The following EEF2 variants were observed in gnomAD, a reference collection of about 807,000 sequenced individuals.
EEF2 encodes the protein eukaryotic translation elongation factor 2.
Under a neutral mutation model 85.3 loss-of-function variants are expected in EEF2, and 21 were observed. The ratio of observed to expected loss-of-function variants is 0.25; its 90% CI spans 0.17 to 0.35. The LOEUF (loss-of-function observed/expected upper bound fraction) is 0.35, where lower values mean the gene tolerates loss of function less well. Among genes scored for constraint, EEF2 ranks in the 10% least tolerant of loss-of-function variants. The pLI, the probability that EEF2 is intolerant of heterozygous loss-of-function variation, is 1.00. For missense variants in EEF2, 825 were observed against 1,225.3 expected (o/e 0.67, Z 4.88); for synonymous variants, 723 against 508.8 (o/e 1.42, Z -5.67).
At chr19:3,983,319 G>C in intron 2 of EEF2, 28 bp from the exon 3 acceptor site, 2 of 1,605,086 alleles carry the variant, frequency 1.2e-6, no homozygotes, top group Middle Eastern at 1.7e-4. Flanking sequence ...TCGTCAGGGG[G>C]ACAGGAGCCA....
chr19:3,976,280 GTGT>G lies in EEF2; in HGVS notation c.*271_*273del. 1 of 441,896 alleles carries G rather than the reference GTGT, an allele frequency of 2.3e-6. No individual in the cohort carries two copies. The highest frequency in any genetic ancestry group is 4.1e-6 in the Non-Finnish European group (1 of 246,226). The allele number at this position is 441,896 out of a possible 1,614,324, so 27.4% of individuals were successfully genotyped here. A position where few individuals can be genotyped will look rare whatever the true frequency, so the allele number is the denominator to read the frequency against. On this transcript the variant is annotated 3_prime_UTR_variant, in exon 15 of 15. Coordinates refer to ENST00000309311, the MANE Select transcript of EEF2 (RefSeq NM_001961.4). ...GTTTCCCTCTGAAGAAATGGAAAAA[GTGT>G]TGGGTGTCCCATCCCGCCTCCCCCT...
chr19:3,977,351 C>T lies in EEF2; in HGVS notation c.2251-4G>A, dbSNP rs773851698. On this transcript the variant is annotated splice_region_variant and splice_polypyrimidine_tract_variant and intron_variant, in intron 13 of 14. Transcript: ENST00000309311. The surrounding 1 kb of genome is among the most constrained non-coding windows in gnomAD (Gnocchi z 5.4). ...CACCGACCACCTGCTCTGGACACTG[C>T]CAGAAGGGAAAGAAAACCTGTCAGT... 2 of 1,590,644 alleles carry T rather than the reference C, an allele frequency of 1.3e-6. No individual in the cohort carries two copies. The highest frequency in any genetic ancestry group is 1.7e-6 in the Non-Finnish European group (2 of 1,168,926).
In EEF2 at chr19:3,977,616, G is replaced by A. The variant is rs879723404; in HGVS notation, c.2068-6C>T. 2 of 1,507,678 alleles carry A rather than the reference G, an allele frequency of 1.3e-6. No homozygotes were observed. The highest frequency in any genetic ancestry group is 2.1e-5 in the Admixed American group (1 of 47,296). 93.4% of individuals were successfully genotyped at this position (1,507,678 alleles called of 1,614,324 possible). A position where few individuals can be genotyped will look rare whatever the true frequency, so the allele number is the denominator to read the frequency against. ...TTCTCCTCACACAGTGCGCCCTGGG[G>A]GAGGGGGAGAGCCACCGTCAAGGGC... On this transcript the variant is annotated splice_region_variant and splice_polypyrimidine_tract_variant and intron_variant, in intron 12 of 14. Transcript: ENST00000309311. This position sits in a 1 kb window ranked among gnomAD's most constrained non-coding sequence, Gnocchi z 5.4.
At position 3,983,045 on chromosome 19, in the gene EEF2, C is replaced by G. The variant is rs375320840; in HGVS notation, c.401-27G>C. The G allele has an allele frequency of 3.1e-6, 5 of 1,611,672 alleles. No homozygotes were observed. The African/African-American group carries it at 6.7e-5, about 22-fold the overall frequency. On this transcript the variant is annotated intron_variant, in intron 3 of 14. Coordinates refer to ENST00000309311, the MANE Select transcript of EEF2 (RefSeq NM_001961.4). ...TGGGGACACGGGGGACAGGGCGGCG[C>G]TGTCATCCTCAAGCAAGGATGGCCC...
At chr19:3,983,344 G>A (rs1568202667) in intron 2 of EEF2, 53 bp from the exon 3 acceptor site, 2 of 1,570,114 alleles carry the variant, frequency 1.3e-6, no homozygotes, top group East Asian at 4.6e-5. Context: ...CCTGGCCCAG[G>A]GAGTCTGGGA....
chr19:3,980,183 G>T, intron 9 of EEF2, 117 bp from the exon 10 acceptor site: 1 of 1,427,546 alleles, frequency 7.0e-7, no homozygotes. Flanking sequence ...GGGCAGACTG[G>T]TGGCTTCCAC....
intron 2 of EEF2, chr19:3,983,883 G>C (rs2039786824): frequency 1.9e-6 from 1 of 536,566 alleles, no homozygotes; most frequent in Non-Finnish European, 3.4e-6. Context: ...TAGGAGTGGG[G>C]GCAAGTCCCC....
Position 3,979,492 on chromosome 19 carries a change from C to T in EEF2, c.1606-56G>A. ...GTAGGCGGCTCGGAACAGGCGGGAC[C>T]AGGCTCCCAGCTTCCCTTTAGCTAG... On this transcript the variant is annotated intron_variant, in intron 10 of 14. Transcript: ENST00000309311. 2.7e-6 allele frequency: 4 copies of T among 1,469,458 alleles called. No individual in the cohort carries two copies. In the South Asian group the frequency reaches 4.7e-5, roughly 17 times the overall value. The allele number at this position is 1,469,458 out of a possible 1,614,324, so 91.0% of individuals were successfully genotyped here.
Position 3,977,269 on chromosome 19 carries a change from C to G in EEF2, c.2329G>C (p.Ala777Pro), listed in dbSNP as rs777381071. ...RGHVFEESQVAGTPMFVVKAY... is the reference protein window; with the variant it reads ...RGHVFEESQVPGTPMFVVKAY... ...TTGACCACAAACATGGGGGTGCCGG[C>G]CACCTGGGACTCCTCGAACACGTGG... Residue 777 changes from alanine to proline, a missense_variant, in exon 14 of 15, where the codon GCC becomes CCC. By Grantham distance (27) the Ala-to-Pro change is conservative. Coordinates refer to ENST00000309311, the MANE Select transcript of EEF2 (RefSeq NM_001961.4). The surrounding 1 kb of genome is among the most constrained non-coding windows in gnomAD (Gnocchi z 5.4). 6.2e-7 allele frequency: 1 copy of G among 1,612,840 alleles called. No individual in the cohort carries two copies. The highest frequency in any genetic ancestry group is 8.5e-7 in the Non-Finnish European group (1 of 1,179,472).
chr19:3,981,139 G>A (rs1251009228), intron 7 of EEF2, among the ~76,000 whole-genome samples, 160 bp from the exon 8 acceptor site: 3 of 152,252 alleles, frequency 2.0e-5, no homozygotes, highest in Non-Finnish European at 4.4e-5. Context: ...GCACACTCCT[G>A]CCAAGGCCCT....
intron 2 of EEF2, 67 bp from the exon 3 acceptor site, chr19:3,983,358 T>C: frequency 6.5e-7 from 1 of 1,526,854 alleles, no homozygotes; most frequent in Non-Finnish European, 8.9e-7. Context: ...TCTGGGATGC[T>C]GTCAGAAGCC....
intron 1 of EEF2, among the ~76,000 whole-genome samples, chr19:3,984,583 G>A (rs937545358): frequency 5.3e-5 from 8 of 152,170 alleles, no homozygotes; most frequent in South Asian, 2.1e-4. Context: ...AAATAAAAGT[G>A]CTCAGGAATA....
At chr19:3,984,706 G>C (rs2039797716) in intron 1 of EEF2, 2 of 219,934 alleles carry the variant, frequency 9.1e-6, no homozygotes, top group East Asian at 1.1e-4. Context: ...CGTTGTCACC[G>C]GGCCACCCAA....
At chr19:3,978,827 A>AAAAAAC (rs2039708989) in intron 11 of EEF2, among the ~76,000 whole-genome samples, 1 of 136,726 alleles carries the variant, frequency 7.3e-6, no homozygotes, top group Non-Finnish European at 1.5e-5. Context: ...AAAAAAAAAA[A>AAAAAAC]AAAATAGCCC....
At position 3,977,808 on chromosome 19, in the gene EEF2, C is replaced by G; in HGVS notation, c.2067+11G>C. 1 of 1,570,400 alleles carries G rather than the reference C, an allele frequency of 6.4e-7. No homozygotes were observed. The highest frequency in any genetic ancestry group is 1.7e-5 in the Admixed American group (1 of 57,612). ...ACGGGTGTGGTCTGCACATGCTGAG[C>G]CGTGCCTCACCTCCTTGGTGGCCCA... is the stretch of plus-strand genomic sequence containing the variant. On this transcript the variant is annotated intron_variant, in intron 12 of 14. Coordinates refer to ENST00000309311, the MANE Select transcript of EEF2 (RefSeq NM_001961.4). The surrounding 1 kb of genome is among the most constrained non-coding windows in gnomAD (Gnocchi z 5.4).
At position 3,976,109 on chromosome 19, in the gene EEF2, T is replaced by G. The variant is rs369334669; in HGVS notation, c.*445A>C. 33 of 192,924 alleles carry G rather than the reference T, an allele frequency of 1.7e-4. No homozygotes were observed. The highest frequency in any genetic ancestry group is 7.4e-4 in the African/African-American group (31 of 41,920). 12.0% of individuals were successfully genotyped at this position (192,924 alleles called of 1,614,324 possible). A position where few individuals can be genotyped will look rare whatever the true frequency, so the allele number is the denominator to read the frequency against. On this transcript the variant is annotated 3_prime_UTR_variant, in exon 15 of 15. Coordinates refer to ENST00000309311, the MANE Select transcript of EEF2 (RefSeq NM_001961.4). ...ATGGCACTAGTACAGCTGGAGGTGC[T>G]CATGGTGACACCGCACAGGACTTCC...
At chr19:3,979,773 G>A (rs770822784) in intron 10 of EEF2, 35 bp downstream of exon 10, 8 of 1,598,644 alleles carry the variant, frequency 5.0e-6, no homozygotes, top group Non-Finnish European at 6.8e-6. Context: ...CCCCCCTCAG[G>A]GTGTCTGCTC....
At chr19:3,979,563 G>T in intron 10 of EEF2, 127 bp from the exon 11 acceptor site, 2 of 964,614 alleles carry the variant, frequency 2.1e-6, no homozygotes. Context: ...GGGAAACTGG[G>T]ACCAGCACAA....
chr19:3,979,792 T>A lies in EEF2; in HGVS notation c.1605+16A>T. The A allele has an allele frequency of 6.2e-7, 1 of 1,606,996 alleles. No homozygotes were observed. The highest frequency in any genetic ancestry group is 8.5e-7 in the Non-Finnish European group (1 of 1,175,918). On this transcript the variant is annotated intron_variant, in intron 10 of 14. Transcript: ENST00000309311. The stretch of plus-strand genomic sequence containing the variant: ...CCTCAGGGTGTCTGCTCCCAGCAGG[T>A]GCACTCCGTGCCCACCTGCACCATG...
Sources: allele counts gnomAD v4.1 joint callset (sites outside exome capture counted in the v4.1 genomes callset), GRCh38; gene constraint gnomAD v4.1.1; non-coding constraint Gnocchi (gnomAD v3.1); transcripts MANE v1.5; gene names NCBI Gene and HGNC (gene_info 2026-07-23, HGNC 2026-07-21).